The following CHRM3 variants were observed in gnomAD, a reference collection of about 807,000 sequenced individuals.
CHRM3 encodes the protein cholinergic receptor muscarinic 3, also known as muscarinic acetylcholine receptor M3.
CHRM3 carries 11 observed loss-of-function variants against 41.8 expected under a neutral mutation model. That is an observed-to-expected ratio of 0.26 (90% CI 0.17 to 0.44). The LOEUF (loss-of-function observed/expected upper bound fraction) is 0.44, where lower values mean the gene tolerates loss of function less well. Among genes scored for constraint, CHRM3 ranks in the 20% least tolerant of loss-of-function variants. CHRM3 has a pLI of 1.00. For missense variants in CHRM3, 571 were observed against 745.4 expected, an observed-to-expected ratio of 0.77 and a Z score of 2.72; for synonymous variants, 297 against 301.4, an observed-to-expected ratio of 0.99 and a Z score of 0.15.
chr1:239,753,486 G>T (rs910997362), intron 5 of CHRM3, among the ~76,000 whole-genome samples: 1 of 152,028 alleles, frequency 6.6e-6, no homozygotes, highest in African/African-American at 2.4e-5. Flanking sequence ...GAAAGAGAGA[G>T]TGATAAGGGG....
intron 5 of CHRM3, among the ~76,000 whole-genome samples, chr1:239,808,440 A>G (rs907280579): frequency 6.6e-6 from 1 of 152,148 alleles, no homozygotes; most frequent in Non-Finnish European, 1.5e-5. Context: ...ACTGTGGGTA[A>G]GGGGACAGCT....
chr1:239,767,120 G>A (rs1280584254), intron 5 of CHRM3, among the ~76,000 whole-genome samples: 2 of 151,978 alleles, frequency 1.3e-5, no homozygotes, highest in Admixed American at 6.6e-5. Flanking sequence ...TTCCCCAATT[G>A]AATTTTGTAC....
chr1:239,491,763 C>T (rs1572484719), intron 1 of CHRM3, among the ~76,000 whole-genome samples: 1 of 152,196 alleles, frequency 6.6e-6, no homozygotes, highest in East Asian at 1.9e-4. Context: ...AAACTCCATG[C>T]TGTTTTTTGC....
At position 239,435,037 on chromosome 1, in the gene CHRM3, CT is replaced by C. The variant is rs1373238017; in HGVS notation, c.-521+47813del. 2.6e-5 allele frequency among the ~76,000 whole-genome samples: 4 copies of C among 152,268 alleles called. No individual in the cohort carries two copies. In the East Asian group the frequency reaches 5.8e-4, roughly 22 times the overall value. On this transcript the variant is annotated intron_variant, in intron 1 of 6. Coordinates refer to ENST00000676153, the MANE Select transcript of CHRM3 (RefSeq NM_001375978.1). ...TGGATTTCAGTATTGTTCCCAGTTC[CT>C]TTCTATTAATAAATGTTTAGTAAAA... is the stretch of plus-strand genomic sequence containing the variant.
At position 239,501,047 on chromosome 1, in the gene CHRM3, G is replaced by T. The variant is rs182170340; in HGVS notation, c.-422+8240G>T. On this transcript the variant is annotated intron_variant, in intron 2 of 6. Coordinates refer to ENST00000676153, the MANE Select transcript of CHRM3 (RefSeq NM_001375978.1). ...GAGACAAAGAGGTACATTATATAATGGTAAAAGACCTTGTGCAACAGGCAA... is the reference window on the plus strand; with the variant it reads ...GAGACAAAGAGGTACATTATATAATTGTAAAAGACCTTGTGCAACAGGCAA... Among the ~76,000 whole-genome samples the T allele has an allele frequency of 6.6e-3, 1,007 of 152,242 alleles. 15 individuals are homozygous for T. The highest frequency in any genetic ancestry group is 0.023 in the African/African-American group (936 of 41,538).
chr1:239,863,025 C>T (rs1307255578), intron 6 of CHRM3, among the ~76,000 whole-genome samples: 4 of 152,144 alleles, frequency 2.6e-5, no homozygotes, highest in Admixed American at 2.0e-4. Flanking sequence ...GTGGTTTAAG[C>T]CTGAGGATAT....
intron 5 of CHRM3, among the ~76,000 whole-genome samples, chr1:239,690,042 G>GAC (rs199731416): frequency 0.054 from 6,179 of 113,466 alleles, 171 homozygotes; most frequent in East Asian, 0.087. Context: ...CAGAGAGAGA[G>GAC]ACACAGAGAG....
chr1:239,868,105 T>C (rs989818273), intron 6 of CHRM3, among the ~76,000 whole-genome samples: 1 of 152,158 alleles, frequency 6.6e-6, no homozygotes, highest in African/African-American at 2.4e-5. Flanking sequence ...TCGCACACAC[T>C]GTAAAGAAAG....
rs548210529 is a variant in CHRM3 at position 239,809,751 on chromosome 1, G to A, written c.-146-17501G>A. Among the ~76,000 whole-genome samples, 20 of 152,050 alleles carry A rather than the reference G, an allele frequency of 1.3e-4. No homozygotes were observed. The South Asian group carries it at 3.3e-3, about 25-fold the overall frequency. ...TGGACTCAAGCTATCCTCTTGCCTC[G>A]GCCTCCCAAAGTGCCAGGATTACAG... On this transcript the variant is annotated intron_variant, in intron 5 of 6. Coordinates refer to ENST00000676153, the MANE Select transcript of CHRM3 (RefSeq NM_001375978.1).
chr1:239,638,372 C>T (rs1348083588), intron 4 of CHRM3, among the ~76,000 whole-genome samples: 1 of 152,006 alleles, frequency 6.6e-6, no homozygotes, highest in Non-Finnish European at 1.5e-5. Flanking sequence ...AGTTTACAGT[C>T]CCACCAGCAG....
intron 2 of CHRM3, among the ~76,000 whole-genome samples, chr1:239,516,057 C>T (rs1319776908): frequency 6.6e-6 from 1 of 152,246 alleles, no homozygotes. Flanking sequence ...CTGTCTCTTT[C>T]TCGCTCTCTC....
chr1:239,759,157 GT>G lies in CHRM3; in HGVS notation c.-146-68084del, dbSNP rs1190071839. ...GCATTTTCCCCCCTGAGCTTTATGG[GT>G]TTTTTTTTTTGTTTTTTTTTTTTGT... is the stretch of plus-strand genomic sequence containing the variant. On this transcript the variant is annotated intron_variant, in intron 5 of 6. Transcript: ENST00000676153. Among the ~76,000 whole-genome samples, 852 of 121,622 alleles carry G rather than the reference GT, an allele frequency of 7.0e-3. 4 individuals are homozygous for G. The highest frequency in any genetic ancestry group is 9.7e-3 in the Non-Finnish European group (583 of 60,122). The allele number at this position is 121,622 out of a possible 152,430, so 79.8% of individuals were successfully genotyped here. A position where few individuals can be genotyped will look rare whatever the true frequency, so the allele number is the denominator to read the frequency against.
chr1:239,722,925 CT>C (rs1386677998), intron 5 of CHRM3, among the ~76,000 whole-genome samples: 1 of 151,810 alleles, frequency 6.6e-6, no homozygotes, highest in African/African-American at 2.4e-5. Context: ...TAAAAATCAA[CT>C]AGAATTGGTT....
intron 6 of CHRM3, among the ~76,000 whole-genome samples, chr1:239,887,674 A>T (rs1678188934): frequency 6.6e-6 from 1 of 152,196 alleles, no homozygotes; most frequent in Non-Finnish European, 1.5e-5. Flanking sequence ...GCATTTCATT[A>T]CTTCTAAGTA....
At chr1:239,388,082 C>T (rs1011344076) in intron 1 of CHRM3, among the ~76,000 whole-genome samples, 1 of 152,052 alleles carries the variant, frequency 6.6e-6, no homozygotes, top group Non-Finnish European at 1.5e-5. Context: ...TGCGTGTGTC[C>T]GACTCTCCTT....
chr1:239,575,229 G>A (rs553612124), intron 3 of CHRM3, among the ~76,000 whole-genome samples: 12 of 152,080 alleles, frequency 7.9e-5, no homozygotes, highest in East Asian at 5.8e-4. Flanking sequence ...GAACCTCTAC[G>A]TATTAGCACC....
chr1:239,392,095 C>T (rs1256589902), intron 1 of CHRM3, among the ~76,000 whole-genome samples: 1 of 152,166 alleles, frequency 6.6e-6, no homozygotes, highest in African/African-American at 2.4e-5. Flanking sequence ...TAGCTATGAC[C>T]TTGGCAGTCA....
At chr1:239,549,270 T>G (rs12752665) in intron 3 of CHRM3, among the ~76,000 whole-genome samples, 3 of 152,148 alleles carry the variant, frequency 2.0e-5, no homozygotes, top group African/African-American at 7.2e-5. Flanking sequence ...CAGATTTTTG[T>G]GGATTTCTAC....
chr1:239,819,878 T>C (rs1671894643), intron 5 of CHRM3, among the ~76,000 whole-genome samples: 1 of 152,132 alleles, frequency 6.6e-6, no homozygotes, highest in South Asian at 2.1e-4. Flanking sequence ...TGGAATTCCG[T>C]ACTTCCCTCC....
Sources: gnomAD v4.1 joint callset for allele counts (sites outside exome capture counted in the v4.1 genomes callset) on GRCh38, gnomAD v4.1.1 for gene constraint, MANE v1.5 for transcripts, NCBI Gene and HGNC (gene_info 2026-07-23, HGNC 2026-07-21) for gene names.